The following CNBD1 variants were observed in gnomAD, a reference collection of about 807,000 sequenced individuals.
CNBD1 encodes the protein cyclic nucleotide-binding domain-containing protein 1.
In CNBD1, 71 loss-of-function variants were observed where a neutral mutation model predicts 54.4. The ratio of observed to expected loss-of-function variants is 1.30; its 90% confidence interval spans 1.08 to 1.59. The LOEUF is 1.59. Among genes scored for constraint, CNBD1 ranks in the 40% most tolerant of loss-of-function variants. The pLI is 0.00. For synonymous variants in CNBD1, 182 were observed against 170.7 expected (o/e 1.07, Z -0.51); for missense variants, 659 against 518.0 (o/e 1.27, Z -2.64).
chr8:87,157,103 A>G (rs1812758075), intron 4 of CNBD1, among the ~76,000 whole-genome samples: 3 of 152,204 alleles, frequency 2.0e-5, no homozygotes, highest in African/African-American at 2.4e-5. Flanking sequence ...CAGATGTACA[A>G]GCAGATGAAC....
At chr8:86,951,789 G>A (rs1033361302) in intron 4 of CNBD1, among the ~76,000 whole-genome samples, 5 of 150,526 alleles carry the variant, frequency 3.3e-5, no homozygotes, top group Admixed American at 6.6e-5. Context: ...ATTTATTCAC[G>A]TTGCTGTTGT....
intron 8 of CNBD1, among the ~76,000 whole-genome samples, chr8:87,350,190 C>T (rs1267279362): frequency 6.6e-6 from 1 of 152,020 alleles, no homozygotes; most frequent in East Asian, 1.9e-4. Context: ...GAAAATATTT[C>T]ACATAATTCT....
At chr8:86,953,306 T>A (rs554522132) in intron 4 of CNBD1, among the ~76,000 whole-genome samples, 7 of 152,226 alleles carry the variant, frequency 4.6e-5, no homozygotes, top group Non-Finnish European at 5.9e-5. Flanking sequence ...ACTGCCAAAC[T>A]GTTTTTCAAA....
Position 87,267,970 on chromosome 8 carries a change from G to T in CNBD1, c.772-16708G>T, listed in dbSNP as rs535688073. ...TTAGTAGTATTCTGTTTGCTTATAT[G>T]TTTTAGGGTCTGGCGATACACATGT... On this transcript the variant is annotated intron_variant, in intron 6 of 10. Coordinates refer to ENST00000518476, the MANE Select transcript of CNBD1 (RefSeq NM_173538.3). 3.3e-5 allele frequency among the ~76,000 whole-genome samples: 5 copies of T among 152,170 alleles called. No individual in the cohort carries two copies. In the East Asian group the frequency reaches 7.7e-4, roughly 24 times the overall value.
chr8:87,310,443 A>T (rs116014993), intron 8 of CNBD1, among the ~76,000 whole-genome samples: 1,585 of 152,256 alleles, frequency 0.01, 27 homozygotes, highest in African/African-American at 0.036. Flanking sequence ...AAAGACCTCT[A>T]TAAGGAAAAC....
At position 87,325,209 on chromosome 8, in the gene CNBD1, A is replaced by T. The variant is rs1317182832; in HGVS notation, c.1043-26476A>T. On this transcript the variant is annotated intron_variant, in intron 8 of 10. Coordinates refer to ENST00000518476, the MANE Select transcript of CNBD1 (RefSeq NM_173538.3). ...CTGTTCTTTTACATTTGCTGAGGAG[A>T]GCTTTACTTCCAAGTATGTGGTCAA... Among the ~76,000 whole-genome samples the T allele has an allele frequency of 1.3e-4, 12 of 93,362 alleles. 2 individuals are homozygous for T. The highest frequency in any genetic ancestry group is 2.1e-4 in the Non-Finnish European group (10 of 47,848). The allele number at this position is 93,362 out of a possible 152,430, so 61.2% of individuals were successfully genotyped here.
intron 4 of CNBD1, among the ~76,000 whole-genome samples, chr8:87,179,054 G>T (rs1390500252): frequency 1.3e-5 from 2 of 152,100 alleles, no homozygotes; most frequent in Non-Finnish European, 2.9e-5. Context: ...GAGACTACAG[G>T]TGCGTGCCAC....
At chr8:87,064,961 C>T (rs891847633) in intron 4 of CNBD1, among the ~76,000 whole-genome samples, 1 of 151,954 alleles carries the variant, frequency 6.6e-6, no homozygotes, top group Non-Finnish European at 1.5e-5. Context: ...CTCTTATCCT[C>T]TAGATGTTTC....
At chr8:86,897,325 A>T (rs1047486384) in intron 2 of CNBD1, among the ~76,000 whole-genome samples, 15 of 152,328 alleles carry the variant, frequency 9.8e-5, no homozygotes, top group Admixed American at 7.2e-4. Flanking sequence ...AAATCTAGTT[A>T]CCAAAGAGTT....
chr8:87,390,193 G>C (rs1181636379), intron 2 of CNBD1, among the ~76,000 whole-genome samples: 1 of 152,040 alleles, frequency 6.6e-6, no homozygotes, highest in African/African-American at 2.4e-5. Context: ...CATGGGCAAG[G>C]ACTTCATGTC....
intron 8 of CNBD1, among the ~76,000 whole-genome samples, chr8:87,308,851 A>G (rs1646041490): frequency 6.6e-6 from 1 of 152,030 alleles, no homozygotes; most frequent in African/African-American, 2.4e-5. Context: ...ATATGTCTTT[A>G]TGTGCCTGTC....
intron 4 of CNBD1, among the ~76,000 whole-genome samples, chr8:86,957,128 G>T (rs959184315): frequency 2.0e-5 from 3 of 152,124 alleles, no homozygotes; most frequent in Non-Finnish European, 4.4e-5. Context: ...GATGGATTAC[G>T]TTTATTGATT....
chr8:87,332,128 G>A (rs148613429), intron 8 of CNBD1, among the ~76,000 whole-genome samples: 156 of 152,184 alleles, frequency 1.0e-3, no homozygotes, highest in Non-Finnish European at 1.6e-3. Context: ...CAGGTGGATC[G>A]TTTGAGGTCA....
chr8:87,425,392 G>C (rs4427193), intron 2 of CNBD1, among the ~76,000 whole-genome samples: 1 of 151,858 alleles, frequency 6.6e-6, no homozygotes, highest in African/African-American at 2.4e-5. Flanking sequence ...GAGGAGAGGC[G>C]CTCTGATTTT....
intron 4 of CNBD1, among the ~76,000 whole-genome samples, chr8:87,109,280 A>C (rs189986275): frequency 1.4e-3 from 220 of 152,230 alleles, no homozygotes; most frequent in South Asian, 3.7e-3. Context: ...TTGTCTTTAA[A>C]TTTAGCACTC....
At chr8:87,346,151 C>T (rs1444476573) in intron 8 of CNBD1, among the ~76,000 whole-genome samples, 1 of 151,950 alleles carries the variant, frequency 6.6e-6, no homozygotes, top group Non-Finnish European at 1.5e-5. Flanking sequence ...AAGTGATTCT[C>T]CTGCCTCAGC....
intron 6 of CNBD1, among the ~76,000 whole-genome samples, chr8:87,262,312 A>T (rs1245032960): frequency 1.3e-5 from 2 of 152,198 alleles, no homozygotes; most frequent in Admixed American, 6.5e-5. Context: ...TTACTTTCTA[A>T]TTACAGGTTT....
At chr8:86,923,733 T>C (rs376831094) in intron 3 of CNBD1, among the ~76,000 whole-genome samples, 1 of 152,208 alleles carries the variant, frequency 6.6e-6, no homozygotes, top group Non-Finnish European at 1.5e-5. Context: ...GTTGCTTTCA[T>C]TTAGTTCAGT....
intron 4 of CNBD1, among the ~76,000 whole-genome samples, chr8:87,067,778 G>T (rs1259451537): frequency 6.6e-6 from 1 of 151,606 alleles, no homozygotes; most frequent in Non-Finnish European, 1.5e-5. Context: ...TTTAAAGTGC[G>T]ATTGATCTCC....
Sources: allele counts gnomAD v4.1 joint callset (sites outside exome capture counted in the v4.1 genomes callset), GRCh38; gene constraint gnomAD v4.1.1; transcripts MANE v1.5; gene names NCBI Gene and HGNC (gene_info 2026-07-23, HGNC 2026-07-21).